FSTL4: variants seen among roughly 807,000 people sequenced by gnomAD.
FSTL4 encodes follistatin-related protein 4.
FSTL4 carries 28 observed loss-of-function variants against 78.2 expected under a neutral mutation model. The ratio of observed to expected loss-of-function variants is 0.36; its 90% CI spans 0.27 to 0.49. FSTL4 has a LOEUF of 0.49. Ranked by LOEUF, FSTL4 falls within the 20% of genes least tolerant of loss-of-function variation. The pLI, the probability that FSTL4 is intolerant of heterozygous loss-of-function variation, is 0.98. For synonymous variants in FSTL4, 422 were observed against 440.5 expected, an observed-to-expected ratio of 0.96 and a Z score of 0.53; for missense variants, 922 against 1,084.9, an observed-to-expected ratio of 0.85 and a Z score of 2.11.
At chr5:133,364,766 G>T (rs1454818888) in intron 4 of FSTL4, among the ~76,000 whole-genome samples, 7 of 152,148 alleles carry the variant, frequency 4.6e-5, no homozygotes, top group Non-Finnish European at 8.8e-5. Flanking sequence ...TTCTCAAAAT[G>T]TCAGTCCCCC....
chr5:133,408,641 G>T (rs1474113818), intron 3 of FSTL4, among the ~76,000 whole-genome samples: 1 of 152,158 alleles, frequency 6.6e-6, no homozygotes, highest in Non-Finnish European at 1.5e-5. Context: ...TGTTGATCCC[G>T]CTGGGTCTCA....
the FSTL4 span, among the ~76,000 whole-genome samples, chr5:133,730,575 TA>T: frequency 1.3e-5 from 2 of 152,102 alleles, no homozygotes; most frequent in African/African-American, 4.8e-5. Context: ...CAGCTGGCCA[TA>T]CCTGGACAAC....
chr5:133,719,081 ATCT>A, the FSTL4 span, among the ~76,000 whole-genome samples: 1 of 152,228 alleles, frequency 6.6e-6, no homozygotes, highest in Admixed American at 6.5e-5. Flanking sequence ...AGTGAAAGTA[ATCT>A]TCTGTTTTTG....
At chr5:133,427,611 G>T in intron 3 of FSTL4, 1 of 526,104 alleles carries the variant, frequency 1.9e-6, no homozygotes, top group Non-Finnish European at 3.9e-6. Flanking sequence ...GGGCGATAGG[G>T]GTAAAAATGC....
chr5:133,710,642 TG>T, the FSTL4 span, among the ~76,000 whole-genome samples: 1 of 152,242 alleles, frequency 6.6e-6, no homozygotes, highest in Non-Finnish European at 1.5e-5. Context: ...GGCCCCAGCC[TG>T]GCCATGCAGA....
Position 133,611,232 on chromosome 5 carries a change from G to A in FSTL4, c.-11+1093C>T, listed in dbSNP as rs1005385146. 2.0e-5 allele frequency among the ~76,000 whole-genome samples: 3 copies of A among 152,132 alleles called. No individual in the cohort carries two copies. Among genetic ancestry groups the A allele is most frequent in the Admixed American group, 2.0e-4 (3 of 15,280 alleles). ...CCGACCTCGCCGGGCCCGCCCCGCT[G>A]ACCCGCGCACTCCTAGTGCACTTGC... On this transcript the variant is annotated intron_variant, in intron 1 of 15. Coordinates refer to ENST00000265342, the MANE Select transcript of FSTL4 (RefSeq NM_015082.2). The surrounding 1 kb of genome is among the most constrained non-coding windows in gnomAD (Gnocchi z 4.9).
chr5:133,627,871 A>G, the FSTL4 span, among the ~76,000 whole-genome samples: 1 of 151,578 alleles, frequency 6.6e-6, no homozygotes, highest in Admixed American at 6.6e-5. Context: ...TTTTTGCATT[A>G]TTTATATTTA....
the FSTL4 span, among the ~76,000 whole-genome samples, chr5:133,693,704 G>A: frequency 2.0e-5 from 3 of 152,174 alleles, no homozygotes; most frequent in Non-Finnish European, 2.9e-5. Context: ...AACAATAGAA[G>A]TTTATTTGGC....
At chr5:133,790,061 C>T in the FSTL4 span, among the ~76,000 whole-genome samples, 3 of 152,166 alleles carry the variant, frequency 2.0e-5, no homozygotes, top group Non-Finnish European at 2.9e-5. Context: ...TGCTCTCCAC[C>T]TCTGGTCTCC....
intron 12 of FSTL4, among the ~76,000 whole-genome samples, chr5:133,218,030 C>G (rs944043777): frequency 1.5e-4 from 23 of 152,152 alleles, no homozygotes; most frequent in Non-Finnish European, 1.5e-4. Context: ...CAATTCATAC[C>G]TTTAGCCCAG....
At chr5:133,337,736 G>A (rs1754496436) in intron 4 of FSTL4, among the ~76,000 whole-genome samples, 1 of 152,186 alleles carries the variant, frequency 6.6e-6, no homozygotes, top group African/African-American at 2.4e-5. Context: ...AGTCGATGCT[G>A]CACACCACTC....
chr5:133,357,070 T>G (rs1754958233), intron 4 of FSTL4, among the ~76,000 whole-genome samples: 1 of 152,208 alleles, frequency 6.6e-6, no homozygotes, highest in Non-Finnish European at 1.5e-5. Context: ...TGGGGCGGAC[T>G]GCAAAGCCCT....
intron 3 of FSTL4, among the ~76,000 whole-genome samples, chr5:133,415,334 A>C (rs961457327): frequency 1.1e-4 from 16 of 152,324 alleles, no homozygotes; most frequent in Middle Eastern, 3.4e-3. Flanking sequence ...TTTCCACCTA[A>C]AGCTTGGACA....
chr5:133,291,423 T>G (rs1377056872), intron 6 of FSTL4, among the ~76,000 whole-genome samples: 2 of 152,170 alleles, frequency 1.3e-5, no homozygotes, highest in Non-Finnish European at 2.9e-5. Context: ...CACAGACACA[T>G]TCATTTGTTT....
the FSTL4 span, among the ~76,000 whole-genome samples, chr5:133,805,622 G>T: frequency 3.9e-5 from 6 of 152,210 alleles, no homozygotes; most frequent in African/African-American, 7.2e-5. Context: ...GTGTATGAGT[G>T]CTGAAATTAG....
chr5:133,790,403 T>C, the FSTL4 span, among the ~76,000 whole-genome samples: 1 of 152,194 alleles, frequency 6.6e-6, no homozygotes, highest in Non-Finnish European at 1.5e-5. Context: ...AAAGAGGGAA[T>C]GCTGGGAAGT....
chr5:133,522,570 A>G (rs1398500732), intron 3 of FSTL4, among the ~76,000 whole-genome samples: 2 of 152,242 alleles, frequency 1.3e-5, no homozygotes, highest in East Asian at 3.8e-4. Flanking sequence ...ATGCTGATGC[A>G]GACATCTCTC....
chr5:133,772,059 T>C, the FSTL4 span, among the ~76,000 whole-genome samples: 1 of 152,182 alleles, frequency 6.6e-6, no homozygotes, highest in African/African-American at 2.4e-5. Flanking sequence ...AAAAGGACAA[T>C]AATTCTTCAA....
Position 133,423,044 on chromosome 5 carries a change from C to T in FSTL4, c.161-22058G>A, listed in dbSNP as rs145284645. ...AGGTCAGTGCTGTGCAGGCTCTGAA[C>T]GGCCGAGCTCTAGTTTTGAAGTTTC... On this transcript the variant is annotated intron_variant, in intron 3 of 15. Coordinates refer to ENST00000265342, the MANE Select transcript of FSTL4 (RefSeq NM_015082.2). Among the ~76,000 whole-genome samples, 544 of 152,332 alleles carry T rather than the reference C, an allele frequency of 3.6e-3. 1 individual carries two copies. The highest frequency in any genetic ancestry group is 6.8e-3 in the Middle Eastern group (2 of 294).
Sources: gnomAD v4.1 joint callset for allele counts (sites outside exome capture counted in the v4.1 genomes callset) on GRCh38, gnomAD v4.1.1 for gene constraint, Gnocchi (gnomAD v3.1) non-coding constraint, MANE v1.5 for transcripts, NCBI Gene and HGNC (gene_info 2026-07-23, HGNC 2026-07-21) for gene names.